EFCAB11: variants seen among roughly 807,000 people sequenced by gnomAD.
The protein encoded by EFCAB11 is EF-hand calcium-binding domain-containing protein 11.
A neutral mutation model predicts 23.0 loss-of-function variants in EFCAB11; 14 were observed. The ratio of observed to expected loss-of-function variants is 0.61; its 90% confidence interval spans 0.40 to 0.95. The LOEUF (loss-of-function observed/expected upper bound fraction) is 0.95, where lower values mean the gene tolerates loss of function less well. EFCAB11 is among the 40% of genes least tolerant of loss of function. The pLI is 0.00. For missense variants in EFCAB11, 198 were observed against 195.8 expected (o/e 1.01, Z -0.07); for synonymous variants, 65 against 66.6 (o/e 0.98, Z 0.11).
rs1363344462 is a variant in EFCAB11 at position 89,795,203 on chromosome 14, G to A, written c.*2040C>T. ...GGGGTTTCACCGTGTTAGCCAGGAT[G>A]GTCTCGATCTCCCGACCTCGTGATC... On this transcript the variant is annotated 3_prime_UTR_variant, in exon 6 of 6. Coordinates refer to ENST00000316738, the MANE Select transcript of EFCAB11 (RefSeq NM_145231.4). 15 of 150,398 alleles carry A rather than the reference G, an allele frequency of 1.0e-4. No homozygotes were observed. The highest frequency in any genetic ancestry group is 9.9e-4 in the Admixed American group (15 of 15,146). 9.3% of individuals were successfully genotyped at this position (150,398 alleles called of 1,614,324 possible).
intron 5 of EFCAB11, among the ~76,000 whole-genome samples, chr14:89,887,469 A>C (rs926263627): frequency 6.6e-6 from 1 of 152,234 alleles, no homozygotes; most frequent in South Asian, 2.1e-4. Flanking sequence ...CTTTTTAAAA[A>C]GTAAAACTAG....
chr14:89,941,726 A>G (rs1375732231), intron 3 of EFCAB11, among the ~76,000 whole-genome samples: 2 of 151,508 alleles, frequency 1.3e-5, no homozygotes, highest in Non-Finnish European at 2.9e-5. Context: ...AGAGTTTTTT[A>G]ACTTCTAAAA....
At chr14:89,868,564 T>G (rs1196534142) in intron 5 of EFCAB11, among the ~76,000 whole-genome samples, 1 of 152,224 alleles carries the variant, frequency 6.6e-6, no homozygotes, top group East Asian at 1.9e-4. Flanking sequence ...CCAAGGTCTC[T>G]GCAGCACCCA....
At chr14:89,827,149 A>G (rs1438403039) in intron 5 of EFCAB11, among the ~76,000 whole-genome samples, 1 of 152,230 alleles carries the variant, frequency 6.6e-6, no homozygotes, top group Non-Finnish European at 1.5e-5. Flanking sequence ...GGTAGTAACC[A>G]TTAAAACACA....
intron 5 of EFCAB11, among the ~76,000 whole-genome samples, chr14:89,903,575 G>T (rs116740223): frequency 6.1e-5 from 7 of 115,240 alleles, no homozygotes; most frequent in Admixed American, 2.0e-4. Flanking sequence ...AAAAGAGAAG[G>T]GGGGGGGCAA....
chr14:89,818,319 C>T (rs1312029862), intron 5 of EFCAB11, among the ~76,000 whole-genome samples: 1 of 152,044 alleles, frequency 6.6e-6, no homozygotes, highest in Non-Finnish European at 1.5e-5. Flanking sequence ...GTGAGAAAGA[C>T]CAGAGTTGGC....
At chr14:89,813,917 A>G (rs1886237111) in intron 5 of EFCAB11, among the ~76,000 whole-genome samples, 1 of 152,152 alleles carries the variant, frequency 6.6e-6, no homozygotes, top group Non-Finnish European at 1.5e-5. Flanking sequence ...CGGAGAAGGA[A>G]TGCAGTTCCA....
At chr14:89,894,384 T>C (rs898622442) in intron 5 of EFCAB11, among the ~76,000 whole-genome samples, 2 of 151,950 alleles carry the variant, frequency 1.3e-5, no homozygotes, top group Non-Finnish European at 2.9e-5. Flanking sequence ...CCCACATGCA[T>C]TAGGTATTTG....
intron 5 of EFCAB11, among the ~76,000 whole-genome samples, chr14:89,870,368 T>C (rs1888227229): frequency 6.6e-6 from 1 of 152,142 alleles, no homozygotes; most frequent in African/African-American, 2.4e-5. Context: ...CATTTTCCTG[T>C]CAGACATTCT....
chr14:89,855,112 A>G (rs1887710640), intron 5 of EFCAB11, among the ~76,000 whole-genome samples: 1 of 152,206 alleles, frequency 6.6e-6, no homozygotes, highest in Non-Finnish European at 1.5e-5. Flanking sequence ...TCCCACTTAC[A>G]GAATGAAGAA....
intron 5 of EFCAB11, among the ~76,000 whole-genome samples, chr14:89,865,757 C>A (rs1162153627): frequency 1.3e-5 from 2 of 152,160 alleles, no homozygotes; most frequent in Non-Finnish European, 2.9e-5. Flanking sequence ...CTCCACCTCC[C>A]AGGTTCATGG....
intron 5 of EFCAB11, among the ~76,000 whole-genome samples, chr14:89,862,516 T>C (rs1283589677): frequency 6.6e-6 from 1 of 152,200 alleles, no homozygotes; most frequent in East Asian, 1.9e-4. Flanking sequence ...GTCAGAGACA[T>C]ATTTTCCAAA....
In EFCAB11 at chr14:89,866,053, G is replaced by A. The variant is rs557483007; in HGVS notation, c.410+65488C>T. 1.4e-4 allele frequency among the ~76,000 whole-genome samples: 21 copies of A among 152,190 alleles called. 1 individual carries two copies. The highest frequency in any genetic ancestry group is 8.3e-4 in the South Asian group (4 of 4,826). On this transcript the variant is annotated intron_variant, in intron 5 of 5. Transcript: ENST00000316738. ...GCCCACCTCAGCCTTCCAAAGTGCC[G>A]GGATTACAGGCATGAGTCACCGTGC... is the stretch of plus-strand genomic sequence containing the variant.
chr14:89,902,567 C>T (rs1596443740), intron 5 of EFCAB11, among the ~76,000 whole-genome samples: 2 of 152,164 alleles, frequency 1.3e-5, no homozygotes, highest in South Asian at 4.2e-4. Flanking sequence ...TCAAGGCTTC[C>T]AAGAATATAA....
At position 89,823,563 on chromosome 14, in the gene EFCAB11, T is replaced by C. The variant is rs538634756; in HGVS notation, c.411-26239A>G. The stretch of plus-strand genomic sequence containing the variant: ...TAATACTCAGAATCCAATCAAAACA[T>C]TACTATACATGCTAAGAAGCTGGAA... On this transcript the variant is annotated intron_variant, in intron 5 of 5. Coordinates refer to ENST00000316738, the MANE Select transcript of EFCAB11 (RefSeq NM_145231.4). Among the ~76,000 whole-genome samples, 3 of 152,220 alleles carry C rather than the reference T, an allele frequency of 2.0e-5. No individual in the cohort carries two copies. The South Asian group carries it at 6.2e-4, about 32-fold the overall frequency.
intron 5 of EFCAB11, among the ~76,000 whole-genome samples, chr14:89,803,779 C>T (rs773210717): frequency 3.3e-5 from 5 of 152,206 alleles, no homozygotes; most frequent in African/African-American, 7.2e-5. Flanking sequence ...CAGCCTCTCC[C>T]GCAAGCAGCC....
At chr14:89,897,638 C>T (rs959452660) in intron 5 of EFCAB11, among the ~76,000 whole-genome samples, 2 of 152,120 alleles carry the variant, frequency 1.3e-5, no homozygotes, top group African/African-American at 4.8e-5. Flanking sequence ...TTGTAGTTCT[C>T]GGGTTGACTG....
In EFCAB11 at chr14:89,839,114, G is replaced by C. The variant is rs1887178101; in HGVS notation, c.411-41790C>G. Among the ~76,000 whole-genome samples the C allele has an allele frequency of 2.6e-5, 4 of 152,192 alleles. No homozygotes were observed. In the South Asian group the frequency reaches 8.3e-4, roughly 32 times the overall value. On this transcript the variant is annotated intron_variant, in intron 5 of 5. Coordinates refer to ENST00000316738, the MANE Select transcript of EFCAB11 (RefSeq NM_145231.4). ...GATCAGAAGAGTAGGGTCTACAACAGAGTGGGAAACAATGGACTCCGAACA... is the reference window on the plus strand; with the variant it reads ...GATCAGAAGAGTAGGGTCTACAACACAGTGGGAAACAATGGACTCCGAACA...
intron 3 of EFCAB11, chr14:89,938,275 T>A (rs1364500170): frequency 2.0e-5 from 3 of 152,212 alleles, no homozygotes; most frequent in Admixed American, 2.0e-4. Context: ...TGTCACATAT[T>A]GATTTTTCCA....
Sources: gnomAD v4.1 joint callset for allele counts (sites outside exome capture counted in the v4.1 genomes callset) on GRCh38, gnomAD v4.1.1 for gene constraint, MANE v1.5 for transcripts, NCBI Gene and HGNC (gene_info 2026-07-23, HGNC 2026-07-21) for gene names.